The following ANKFN1 variants were observed in gnomAD, a reference collection of about 807,000 sequenced individuals.
The protein encoded by ANKFN1 is ankyrin repeat and fibronectin type III domain containing 1, also known as ankyrin repeat and fibronectin type-III domain-containing protein 1.
A neutral mutation model predicts 108.7 loss-of-function variants in ANKFN1; 74 were observed. That is an observed-to-expected ratio of 0.68 (90% CI 0.56 to 0.83). ANKFN1 has a LOEUF of 0.83. ANKFN1 is among the 40% of genes least tolerant of loss of function. The probability of loss-of-function intolerance (pLI) is 0.00; values close to 1 mark genes in which losing one functional copy is unlikely to be tolerated. For missense variants in ANKFN1, 1,505 were observed against 1,382.3 expected (o/e 1.09, Z -1.41); for synonymous variants, 547 against 516.2 (o/e 1.06, Z -0.81).
chr17:56,370,612 G>C (rs943340181), intron 6 of ANKFN1, among the ~76,000 whole-genome samples: 1 of 152,176 alleles, frequency 6.6e-6, no homozygotes, highest in African/African-American at 2.4e-5. Flanking sequence ...GGAAGAAGGA[G>C]GGGGGAGTGG....
At chr17:56,334,404 G>C (rs1159239095) in intron 4 of ANKFN1, among the ~76,000 whole-genome samples, 6 of 152,082 alleles carry the variant, frequency 3.9e-5, no homozygotes, top group African/African-American at 1.4e-4. Flanking sequence ...TATCTTGATT[G>C]TGACAAATGG....
intron 3 of ANKFN1, among the ~76,000 whole-genome samples, chr17:56,298,196 A>G (rs576454858): frequency 2.6e-5 from 4 of 152,218 alleles, no homozygotes; most frequent in Admixed American, 6.5e-5. Context: ...ATAGAGCCCA[A>G]ATCAATGGAA....
At chr17:56,170,803 T>TACACACACACACACACACAC (rs1160259097) in intron 1 of ANKFN1, among the ~76,000 whole-genome samples, 836 of 67,702 alleles carry the variant, frequency 0.012, 9 homozygotes, top group Non-Finnish European at 0.019. Context: ...TATATATATA[T>TACACACACACACACACACAC]ATATACACAC....
At chr17:56,210,445 G>A (rs1284484191) in intron 1 of ANKFN1, among the ~76,000 whole-genome samples, 1 of 152,138 alleles carries the variant, frequency 6.6e-6, no homozygotes, top group Non-Finnish European at 1.5e-5. Flanking sequence ...AAGAAGTGGG[G>A]TGGTATCACA....
At chr17:56,174,234 T>C (rs945394684) in intron 1 of ANKFN1, 2 of 985,450 alleles carry the variant, frequency 2.0e-6, no homozygotes, top group Middle Eastern at 5.2e-4. Context: ...CCAGCAGCTC[T>C]TCAAAGACTT....
At chr17:56,181,657 C>T (rs536009619) in intron 1 of ANKFN1, among the ~76,000 whole-genome samples, 5 of 152,282 alleles carry the variant, frequency 3.3e-5, no homozygotes, top group African/African-American at 1.2e-4. Context: ...TGTTTTCTTT[C>T]TCTTCTTAGC....
intron 8 of ANKFN1, among the ~76,000 whole-genome samples, chr17:56,379,808 T>C (rs2047044986): frequency 6.6e-6 from 1 of 152,256 alleles, no homozygotes; most frequent in Non-Finnish European, 1.5e-5. Flanking sequence ...AATATTTTTC[T>C]ATTATGGTTA....
At chr17:56,082,456 A>C in intron 4 of ANKFN1, among the ~76,000 whole-genome samples, 1 of 145,442 alleles carries the variant, frequency 6.9e-6, no homozygotes. Flanking sequence ...AAAAACCACG[A>C]GGCACTGAGC....
chr17:56,507,183 C>A (rs911285617), intron 20 of ANKFN1, among the ~76,000 whole-genome samples: 1 of 152,156 alleles, frequency 6.6e-6, no homozygotes, highest in African/African-American at 2.4e-5. Flanking sequence ...AGGCACCTGC[C>A]CCTGCTATCA....
intron 3 of ANKFN1, among the ~76,000 whole-genome samples, chr17:56,309,614 G>T (rs1029564145): frequency 2.0e-5 from 3 of 151,944 alleles, no homozygotes; most frequent in Non-Finnish European, 4.4e-5. Context: ...GTGGTACAAT[G>T]GTGCCCTTTC....
chr17:56,440,065 T>C (rs1458193155), intron 8 of ANKFN1, among the ~76,000 whole-genome samples: 1 of 144,238 alleles, frequency 6.9e-6, no homozygotes, highest in African/African-American at 2.5e-5. Flanking sequence ...TGTACTACAA[T>C]ATACATTATA....
At chr17:56,151,971 GTT>G (rs1908652023), upstream of ANKFN1, among the ~76,000 whole-genome samples, 1 of 125,086 alleles carries the variant, frequency 8.0e-6, no homozygotes, top group African/African-American at 3.1e-5. Flanking sequence ...TGTAACAAGC[GTT>G]TTACTAAGTA....
intron 8 of ANKFN1, among the ~76,000 whole-genome samples, chr17:56,422,272 A>T (rs1469213661): frequency 6.6e-6 from 1 of 152,176 alleles, no homozygotes; most frequent in Non-Finnish European, 1.5e-5. Flanking sequence ...CAAATGTTTT[A>T]TTGGGTTTCC....
chr17:56,418,995 T>C (rs559442946), intron 8 of ANKFN1, among the ~76,000 whole-genome samples: 1 of 152,318 alleles, frequency 6.6e-6, no homozygotes, highest in East Asian at 1.9e-4. Context: ...TAGAGTAACA[T>C]GCTGAGAACT....
chr17:56,377,923 G>T (rs555330100), intron 8 of ANKFN1, among the ~76,000 whole-genome samples: 1 of 152,122 alleles, frequency 6.6e-6, no homozygotes, highest in East Asian at 1.9e-4. Context: ...TGCAGTAGTT[G>T]CTGCATTGCC....
At chr17:56,114,650 TG>T (rs1249626203) in intron 4 of ANKFN1, among the ~76,000 whole-genome samples, 1 of 152,210 alleles carries the variant, frequency 6.6e-6, no homozygotes, top group Non-Finnish European at 1.5e-5. Context: ...AAAATAGCCA[TG>T]TCTTAATCCC....
intron 14 of ANKFN1, among the ~76,000 whole-genome samples, chr17:56,462,519 A>G (rs2049938910): frequency 6.6e-6 from 1 of 152,174 alleles, no homozygotes; most frequent in South Asian, 2.1e-4. Flanking sequence ...ACTTGAACCC[A>G]GGAGGCGGAG....
intron 20 of ANKFN1, among the ~76,000 whole-genome samples, chr17:56,499,330 G>C (rs1376254853): frequency 6.6e-6 from 1 of 152,102 alleles, no homozygotes; most frequent in African/African-American, 2.4e-5. Context: ...AGTCATTCCA[G>C]TTCTAGGTCA....
At chr17:56,442,301 T>C (rs1304590807) in intron 9 of ANKFN1, among the ~76,000 whole-genome samples, 1 of 152,244 alleles carries the variant, frequency 6.6e-6, no homozygotes. Flanking sequence ...AAATACATGA[T>C]ACCGAATATT....
Sources: allele counts gnomAD v4.1 joint callset (sites outside exome capture counted in the v4.1 genomes callset), GRCh38; gene constraint gnomAD v4.1.1; transcripts MANE v1.5; gene names NCBI Gene and HGNC (gene_info 2026-07-23, HGNC 2026-07-21).